Variants in ADAMTS17 observed in about 807,000 individuals in gnomAD.
The protein encoded by ADAMTS17 is ADAM metallopeptidase with thrombospondin type 1 motif 17.
ADAMTS17 carries 113 observed loss-of-function variants against 141.5 expected under a neutral mutation model. That is an observed-to-expected ratio of 0.80 (90% confidence interval 0.69 to 0.93). The LOEUF is 0.93. Ranked by LOEUF, ADAMTS17 falls within the 40% of genes least tolerant of loss-of-function variation. The pLI, the probability that ADAMTS17 is intolerant of heterozygous loss-of-function variation, is 0.00. For synonymous variants in ADAMTS17, 768 were observed against 630.6 expected, an observed-to-expected ratio of 1.22 and a Z score of -3.27; for missense variants, 1,659 against 1,517.9, an observed-to-expected ratio of 1.09 and a Z score of -1.54.
intron 14 of ADAMTS17, among the ~76,000 whole-genome samples, chr15:100,098,858 G>A (rs1464026543): frequency 6.6e-6 from 1 of 152,174 alleles, no homozygotes; most frequent in Non-Finnish European, 1.5e-5. Flanking sequence ...CACAGAGCTG[G>A]TCTCTCCCAC....
chr15:100,287,270 G>T (rs1009052262), intron 3 of ADAMTS17, among the ~76,000 whole-genome samples: 1 of 152,138 alleles, frequency 6.6e-6, no homozygotes, highest in Non-Finnish European at 1.5e-5. Flanking sequence ...CTAACAGCAG[G>T]ATACACCAAG....
chr15:100,154,716 G>A (rs2141368606), intron 9 of ADAMTS17, among the ~76,000 whole-genome samples: 1 of 152,308 alleles, frequency 6.6e-6, no homozygotes, highest in South Asian at 2.1e-4. Context: ...AAGTAGCAGT[G>A]AGATAAACAC....
At chr15:100,000,990 T>C (rs541117905) in intron 18 of ADAMTS17, among the ~76,000 whole-genome samples, 1 of 152,164 alleles carries the variant, frequency 6.6e-6, no homozygotes, top group Non-Finnish European at 1.5e-5. Flanking sequence ...ACTGTAGAAG[T>C]ATTGGCTCCA....
At chr15:100,128,612 G>A (rs554441231) in intron 12 of ADAMTS17, 3 of 152,362 alleles carry the variant, frequency 2.0e-5, no homozygotes, top group African/African-American at 4.8e-5. Context: ...GGGAGGACCT[G>A]ATGAAGAAGA....
At chr15:100,194,254 T>C (rs1361499052) in intron 8 of ADAMTS17, among the ~76,000 whole-genome samples, 2 of 152,088 alleles carry the variant, frequency 1.3e-5, no homozygotes, top group African/African-American at 4.8e-5. Context: ...TGGGTTTCCC[T>C]AGGCCCAGAA....
At chr15:100,174,534 G>A (rs555697369) in intron 8 of ADAMTS17, among the ~76,000 whole-genome samples, 37 of 152,176 alleles carry the variant, frequency 2.4e-4, no homozygotes, top group South Asian at 2.1e-3. Context: ...CTAGTATTTC[G>A]TTTACTTTTT....
chr15:100,054,227 C>T (rs915002948), intron 15 of ADAMTS17, among the ~76,000 whole-genome samples, 173 bp from the exon 16 acceptor site: 2 of 152,134 alleles, frequency 1.3e-5, no homozygotes, highest in African/African-American at 2.4e-5. Context: ...AGAACAAAAG[C>T]CTGGATCGCA....
intron 15 of ADAMTS17, among the ~76,000 whole-genome samples, chr15:100,089,902 C>A (rs1468771733): frequency 4.6e-5 from 7 of 150,670 alleles, no homozygotes; most frequent in Admixed American, 2.6e-4. Context: ...TTAATGGGTG[C>A]AGCACACCAA....
intron 15 of ADAMTS17, among the ~76,000 whole-genome samples, chr15:100,084,037 G>A (rs1289920652): frequency 6.6e-6 from 1 of 152,032 alleles, no homozygotes; most frequent in East Asian, 1.9e-4. Flanking sequence ...GCCGAAGCAG[G>A]GTGAGGCATC....
chr15:100,017,292 T>C (rs1242482744), intron 18 of ADAMTS17, among the ~76,000 whole-genome samples: 2 of 152,206 alleles, frequency 1.3e-5, no homozygotes, highest in Non-Finnish European at 2.9e-5. Flanking sequence ...GCTATCTGCC[T>C]CCCAGCTGTG....
At chr15:100,116,294 G>A (rs972804446) in intron 13 of ADAMTS17, among the ~76,000 whole-genome samples, 1 of 152,072 alleles carries the variant, frequency 6.6e-6, no homozygotes, top group East Asian at 1.9e-4. Flanking sequence ...GGCCCGATGG[G>A]GCAGAGCCTC....
chr15:100,058,605 C>T (rs1823516567), intron 15 of ADAMTS17, among the ~76,000 whole-genome samples: 1 of 152,246 alleles, frequency 6.6e-6, no homozygotes, highest in South Asian at 2.1e-4. Context: ...AAACGCTGCA[C>T]AGAGGTGGCG....
At chr15:100,280,185 C>G (rs1333041343) in intron 4 of ADAMTS17, among the ~76,000 whole-genome samples, 1 of 152,160 alleles carries the variant, frequency 6.6e-6, no homozygotes, top group Non-Finnish European at 1.5e-5. Flanking sequence ...AATGGAAACT[C>G]TTTGCTGTGG....
At chr15:100,056,088 C>T (rs2141613687) in intron 15 of ADAMTS17, among the ~76,000 whole-genome samples, 1 of 152,330 alleles carries the variant, frequency 6.6e-6, no homozygotes, top group African/African-American at 2.4e-5. Context: ...CGCTCTGTTA[C>T]AGGGTTTCAT....
At chr15:99,982,518 T>A (rs1453840041) in intron 20 of ADAMTS17, among the ~76,000 whole-genome samples, 2 of 152,174 alleles carry the variant, frequency 1.3e-5, no homozygotes, top group African/African-American at 4.8e-5. Context: ...CGGGGTGAAT[T>A]CCTTCTCTGT....
At chr15:100,309,365 G>A (rs1459268537) in intron 3 of ADAMTS17, among the ~76,000 whole-genome samples, 1 of 152,268 alleles carries the variant, frequency 6.6e-6, no homozygotes, top group East Asian at 1.9e-4. Flanking sequence ...TCTCAAAAAC[G>A]CACAAAAAAT....
intron 2 of ADAMTS17, among the ~76,000 whole-genome samples, chr15:100,337,268 G>C (rs906904724): frequency 6.6e-6 from 1 of 152,200 alleles, no homozygotes; most frequent in Non-Finnish European, 1.5e-5. Flanking sequence ...ATAGCTGTAC[G>C]GAACTATGAA....
intron 3 of ADAMTS17, among the ~76,000 whole-genome samples, chr15:100,293,014 T>C (rs552558725): frequency 6.6e-6 from 1 of 152,356 alleles, no homozygotes; most frequent in Admixed American, 6.5e-5. Flanking sequence ...AATGCGATCA[T>C]GAATTTTGTT....
chr15:100,296,624 C>G (rs2142155268), intron 3 of ADAMTS17, among the ~76,000 whole-genome samples: 1 of 151,030 alleles, frequency 6.6e-6, no homozygotes, highest in African/African-American at 2.4e-5. Flanking sequence ...TGTGCGCATG[C>G]ACGCGCACGT....
Sources: allele counts gnomAD v4.1 joint callset (sites outside exome capture counted in the v4.1 genomes callset), GRCh38; gene constraint gnomAD v4.1.1; transcripts MANE v1.5; gene names NCBI Gene and HGNC (gene_info 2026-07-23, HGNC 2026-07-21).